Variants in UCKL1 observed in about 807,000 individuals in gnomAD.
UCKL1 encodes uridine-cytidine kinase 1 like 1.
In UCKL1, 65 loss-of-function variants were observed where a neutral mutation model predicts 59.2. That is an observed-to-expected ratio of 1.10 (90% CI 0.90 to 1.35). The LOEUF (loss-of-function observed/expected upper bound fraction) is 1.35. UCKL1 is among the 40% of genes most tolerant of loss of function. The pLI is 0.00. For missense variants in UCKL1, 703 were observed against 784.3 expected (o/e 0.90, Z 1.24); for synonymous variants, 410 against 323.1 (o/e 1.27, Z -2.88).
In UCKL1 at chr20:63,940,973, C is replaced by A; in HGVS notation, c.1093G>T (p.Ala365Ser). The part of the protein sequence containing the change: ...KRLMRLLIEH[A>S]LSFLPFQDCV... ...ACCTGAAAGGGCAGGAAGGAGAGCG[C>A]GTGCTCGATGAGCAGCCGCATCAGT... The change falls in exon 10 of 15, where the codon GCG becomes TCG. Residue 365 changes from alanine to serine, a missense_variant. Physicochemically the swap from Ala to Ser is moderately conservative, Grantham distance 99. Around this residue, in one of 4 missense-constraint regions of UCKL1, gnomAD observed 156 missense variants for 185.6 expected, o/e 0.84. Transcript: ENST00000354216. 1 of 1,527,090 alleles carries A rather than the reference C, an allele frequency of 6.5e-7. No homozygotes were observed. Among genetic ancestry groups the A allele is most frequent in the Non-Finnish European group, 8.8e-7 (1 of 1,135,466 alleles). 94.6% of individuals were successfully genotyped at this position (1,527,090 alleles called of 1,614,324 possible).
chr20:63,942,995 G>A (rs560223892), intron 8 of UCKL1, among the ~76,000 whole-genome samples: 5 of 152,194 alleles, frequency 3.3e-5, no homozygotes, highest in Non-Finnish European at 5.9e-5. Flanking sequence ...CCTCCAGGTG[G>A]CTCAGTCAGG....
chr20:63,941,439 C>G (rs1424575131), intron 8 of UCKL1: 1 of 624,480 alleles, frequency 1.6e-6, no homozygotes, highest in African/African-American at 1.9e-5. Flanking sequence ...AGCTCACCAT[C>G]AGGCAGAAAG....
rs2055342977 is a variant in UCKL1, at chr20:63,943,759, A to T, written c.907-90T>A. On this transcript the variant is annotated intron_variant, in intron 7 of 14. Transcript: ENST00000354216. ...AGGCCACCCCCACCCAGGAATGGAC[A>T]TGCTGCAGGCCCGCGGGGACACAGC... The T allele has an allele frequency of 3.1e-6, 5 of 1,589,600 alleles. No individual in the cohort carries two copies. The Admixed American group carries it at 8.4e-5, about 27-fold the overall frequency.
Position 63,939,943 on chromosome 20 carries a change from A to G in UCKL1, c.*33T>C. ...CAGTCCTGGGTCAGGAGGCAGGAGG[A>G]GGGTGGTGGGGACGGGATGGCTCAC... On this transcript the variant is annotated 3_prime_UTR_variant, in exon 15 of 15. Transcript: ENST00000354216. The G allele has an allele frequency of 6.3e-7, 1 of 1,591,160 alleles. No homozygotes were observed. The highest frequency in any genetic ancestry group is 8.6e-7 in the Non-Finnish European group (1 of 1,161,186).
In UCKL1 at chr20:63,940,168, G is replaced by C. The variant is rs758671526; in HGVS notation, c.1549C>G (p.Arg517Gly). ...AVDKRVNDLF[R>G]IIPGIGNFGD... is the part of the protein sequence containing the mutation. ...GCCTCACCAATGCCTGGGATGATGC[G>C]GAAAAGGTCATTGACCCGCTTGTCC... is the stretch of plus-strand genomic sequence containing the variant. The change falls in exon 14 of 15, where the codon CGC (arginine) becomes GGC (glycine). Residue 517 changes from arginine (R) to glycine (G), a missense_variant. By Grantham distance (125) the Arg-to-Gly change is moderately radical (BLOSUM62 -2). Around this residue, in one of 4 missense-constraint regions of UCKL1, gnomAD observed 124 missense variants for 161.1 expected, o/e 0.77. Coordinates refer to ENST00000354216, the MANE Select transcript of UCKL1 (RefSeq NM_017859.4). The C allele has an allele frequency of 1.9e-6, 3 of 1,612,596 alleles. No individual in the cohort carries two copies. The highest frequency in any genetic ancestry group is 2.5e-6 in the Non-Finnish European group (3 of 1,179,976).
chr20:63,954,819 A>C lies in UCKL1; in HGVS notation c.113+1441T>G, dbSNP rs2058297123. On this transcript the variant is annotated intron_variant, in intron 1 of 14. Coordinates refer to ENST00000354216, the MANE Select transcript of UCKL1 (RefSeq NM_017859.4). The stretch of plus-strand genomic sequence containing the variant: ...TGCCTCGTGGGACACAGCGAGGGCC[A>C]CCGTGCCCAGCCCACCGTCTGTGCA... The C allele has an allele frequency of 2.0e-5, 3 of 152,256 alleles. No homozygotes were observed. The South Asian group carries it at 6.2e-4, about 32-fold the overall frequency. The allele number at this position is 152,256 out of a possible 1,614,324, so 9.4% of individuals were successfully genotyped here. A position where few individuals can be genotyped will look rare whatever the true frequency, so the allele number is the denominator to read the frequency against.
rs764686644 is a variant in UCKL1 at position 63,940,965 on chromosome 20, G to A, written c.1101C>T (p.Ser367=). Residue 367 remains serine (S), a synonymous_variant, in exon 10 of 15, where the codon TCC becomes TCT. Coordinates refer to ENST00000354216, the MANE Select transcript of UCKL1 (RefSeq NM_017859.4). ...LMRLLIEHAL[S]FLPFQDCVVQ... ...GGCTACGAACCTGAAAGGGCAGGAA[G>A]GAGAGCGCGTGCTCGATGAGCAGCC... 1 of 1,524,324 alleles carries A rather than the reference G, an allele frequency of 6.6e-7. No homozygotes were observed. The highest frequency in any genetic ancestry group is 1.3e-5 in the South Asian group (1 of 77,716). 94.4% of individuals were successfully genotyped at this position (1,524,324 alleles called of 1,614,324 possible). A position where few individuals can be genotyped will look rare whatever the true frequency, so the allele number is the denominator to read the frequency against.
At chr20:63,950,892 C>T in intron 1 of UCKL1, 4 of 1,426,626 alleles carry the variant, frequency 2.8e-6, no homozygotes, top group Non-Finnish European at 3.7e-6. Context: ...CGTGGGGGCT[C>T]AGGCGCAGGC....
rs1600942203 is a variant in UCKL1 at position 63,940,754 on chromosome 20, C to T, written c.1180-38G>A. ...GAGGCTAAGCGCCCACATCCCGCCC[C>T]AGCAGCCTGTCCCGCGCCCAGGTGT... On this transcript the variant is annotated intron_variant, in intron 11 of 14. Transcript: ENST00000354216. 2.5e-6 allele frequency: 4 copies of T among 1,605,586 alleles called. No individual in the cohort carries two copies. The East Asian group carries it at 8.9e-5, about 36-fold the overall frequency.
chr20:63,954,389 C>G (rs780281452), intron 1 of UCKL1: 4 of 152,432 alleles, frequency 2.6e-5, no homozygotes, highest in Non-Finnish European at 5.9e-5. Context: ...AGACAATAAA[C>G]AACAGGCAAG....
In UCKL1 at chr20:63,946,204, T is replaced by A. The variant is rs780084309; in HGVS notation, c.368A>T (p.Asp123Val). ...TVARMIIEAL[D>V]VPWVVLLSMD... ...GGACAGCAAGACCACCCAGGGCACA[T>A]CCAGGGCCTCGATGATCATTCTGGC... The change falls in exon 3 of 15, where the codon GAT (aspartate) becomes GTT (valine). Residue 123 changes from aspartate (D) to valine (V), a missense_variant. By Grantham distance (152) the Asp-to-Val change is radical (BLOSUM62 -3). Coordinates refer to ENST00000354216, the MANE Select transcript of UCKL1 (RefSeq NM_017859.4). The A allele has an allele frequency of 6.2e-7, 1 of 1,611,708 alleles. No homozygotes were observed. The highest frequency in any genetic ancestry group is 1.7e-5 in the Admixed American group (1 of 59,874).
chr20:63,944,452 C>T lies in UCKL1; in HGVS notation c.851G>A (p.Gly284Asp). ...AATCAGGTCGATGGCCACCGTGTTGCCGCTCCCTGGGGCGGGATGGGGGGG... is the reference window on the plus strand; with the variant it reads ...AATCAGGTCGATGGCCACCGTGTTGTCGCTCCCTGGGGCGGGATGGGGGGG... Reference protein sequence around the residue: ...LADIVVPRGSGNTVAIDLIVQ... With the variant: ...LADIVVPRGSDNTVAIDLIVQ... Residue 284 changes from glycine (G) to aspartate (D), a missense_variant, in exon 7 of 15, where the codon GGC (glycine) becomes GAC (aspartate). Physicochemically the swap from Gly to Asp is moderately conservative, Grantham distance 94. Around this residue, in one of 4 missense-constraint regions of UCKL1, gnomAD observed 156 missense variants for 185.6 expected, o/e 0.84. Coordinates refer to ENST00000354216, the MANE Select transcript of UCKL1 (RefSeq NM_017859.4). 6.3e-7 allele frequency: 1 copy of T among 1,578,392 alleles called. No individual in the cohort carries two copies. Among genetic ancestry groups the T allele is most frequent in the Non-Finnish European group, 8.6e-7 (1 of 1,162,330 alleles).
At chr20:63,944,367 T>C in intron 7 of UCKL1, 30 bp downstream of exon 7, 1 of 1,539,898 alleles carries the variant, frequency 6.5e-7, no homozygotes, top group Non-Finnish European at 8.8e-7. Flanking sequence ...GGCTGGGGGC[T>C]AGGCCGTGGG....
At chr20:63,951,998 AG>A (rs2057706249) in intron 1 of UCKL1, among the ~76,000 whole-genome samples, 1 of 152,168 alleles carries the variant, frequency 6.6e-6, no homozygotes, top group Admixed American at 6.5e-5. Flanking sequence ...CTCAGGGAAA[AG>A]GGAAGACTCC....
At chr20:63,949,535 C>G (rs908366760) in intron 1 of UCKL1, among the ~76,000 whole-genome samples, 1 of 152,194 alleles carries the variant, frequency 6.6e-6, no homozygotes, top group Non-Finnish European at 1.5e-5. Flanking sequence ...GGGTCACCCC[C>G]GGGGCCACCC....
At position 63,944,389 on chromosome 20, in the gene UCKL1, C is replaced by A; in HGVS notation, c.906+8G>T. 6.4e-7 allele frequency: 1 copy of A among 1,554,432 alleles called. No homozygotes were observed. The highest frequency in any genetic ancestry group is 2.4e-5 in the East Asian group (1 of 41,646). Reference sequence around the variant, plus strand: ...GGCTAGGCCGTGGGGACGTGGGACCCCGCTCACCTCCTCCAGCTGGCTGTG... The same window carrying A: ...GGCTAGGCCGTGGGGACGTGGGACCACGCTCACCTCCTCCAGCTGGCTGTG... On this transcript the variant is annotated splice_region_variant and intron_variant, in intron 7 of 14. Coordinates refer to ENST00000354216, the MANE Select transcript of UCKL1 (RefSeq NM_017859.4).
In UCKL1 at chr20:63,940,873, G is replaced by A; in HGVS notation, c.1117-17C>T. 1 of 1,530,166 alleles carries A rather than the reference G, an allele frequency of 6.5e-7. No homozygotes were observed. Among genetic ancestry groups the A allele is most frequent in the Non-Finnish European group, 8.8e-7 (1 of 1,138,026 alleles). The allele number at this position is 1,530,166 out of a possible 1,614,324, so 94.8% of individuals were successfully genotyped here. On this transcript the variant is annotated splice_polypyrimidine_tract_variant and intron_variant, in intron 10 of 14. Transcript: ENST00000354216. Reference sequence around the variant, plus strand: ...GACGCAGTCCTGTGGGGTGCAGGGTGAGGACTCCGGTGAGCGCAGGGAGCT... The same window carrying A: ...GACGCAGTCCTGTGGGGTGCAGGGTAAGGACTCCGGTGAGCGCAGGGAGCT...
At position 63,939,865 on chromosome 20, in the gene UCKL1, C is replaced by T; in HGVS notation, c.*111G>A. On this transcript the variant is annotated 3_prime_UTR_variant, in exon 15 of 15. Coordinates refer to ENST00000354216, the MANE Select transcript of UCKL1 (RefSeq NM_017859.4). ...AAAGCTTTATTTATTTTATAAAATG[C>T]ATAGAATAAATTATACTAGTAACAT... 1.1e-6 allele frequency: 1 copy of T among 935,892 alleles called. No homozygotes were observed. Among genetic ancestry groups the T allele is most frequent in the Non-Finnish European group, 1.6e-6 (1 of 623,108 alleles). The allele number at this position is 935,892 out of a possible 1,614,324, so 58.0% of individuals were successfully genotyped here.
rs2057441578 is a variant in UCKL1 at position 63,950,619 on chromosome 20, C to A, written c.114-3976G>T. ...GCAAAATGGCACCTTCGACCCTGGG[C>A]TCTGCCCGGTGCCCGAGAGCACCTG... On this transcript the variant is annotated intron_variant, in intron 1 of 14. Coordinates refer to ENST00000354216, the MANE Select transcript of UCKL1 (RefSeq NM_017859.4). The A allele has an allele frequency of 6.8e-6, 7 of 1,027,374 alleles. No individual in the cohort carries two copies. In the South Asian group the frequency reaches 1.6e-4, roughly 23 times the overall value. The allele number at this position is 1,027,374 out of a possible 1,614,324, so 63.6% of individuals were successfully genotyped here. A position where few individuals can be genotyped will look rare whatever the true frequency, so the allele number is the denominator to read the frequency against.
Sources: gnomAD v4.1 joint callset for allele counts (sites outside exome capture counted in the v4.1 genomes callset) on GRCh38, gnomAD v4.1.1 for gene constraint, gnomAD v4.1.1 regional missense constraint, MANE v1.5 for transcripts, NCBI Gene and HGNC (gene_info 2026-07-23, HGNC 2026-07-21) for gene names.